The following RAPH1 variants were observed in gnomAD, a reference collection of about 807,000 sequenced individuals.
RAPH1 encodes the protein ras-associated and pleckstrin homology domains-containing protein 1.
In RAPH1, 18 loss-of-function variants were observed where a neutral mutation model predicts 88.1. The ratio of observed to expected loss-of-function variants is 0.20; its 90% CI spans 0.14 to 0.30. The LOEUF (loss-of-function observed/expected upper bound fraction) is 0.30, where lower values mean the gene tolerates loss of function less well. Ranked by LOEUF, RAPH1 falls within the 10% of genes least tolerant of loss-of-function variation. RAPH1 has a pLI of 1.00. For missense variants in RAPH1, 1,448 were observed against 1,543.2 expected (o/e 0.94, Z 1.03); for synonymous variants, 587 against 559.0 (o/e 1.05, Z -0.71).
Position 203,457,516 on chromosome 2 carries a change from G to C in RAPH1, c.1158+14C>G, listed in dbSNP as rs769120883. ...TTAATTTTTAAATGTGCAGGAAAAT[G>C]GGGGTTGTCATACCTCCAAGAGGAC... is the stretch of plus-strand genomic sequence containing the variant. On this transcript the variant is annotated intron_variant, in intron 8 of 13. Transcript: ENST00000319170. 1 of 1,604,670 alleles carries C rather than the reference G, an allele frequency of 6.2e-7. No homozygotes were observed. The highest frequency in any genetic ancestry group is 2.2e-5 in the East Asian group (1 of 44,848).
intron 9 of RAPH1, 101 bp from the exon 10 acceptor site, chr2:203,454,641 T>A (rs1260261866): frequency 1.4e-6 from 1 of 728,122 alleles, no homozygotes; most frequent in Non-Finnish European, 2.3e-6. Flanking sequence ...CTACTTTTGC[T>A]AATACTAAAT....
At chr2:203,445,213 A>C (rs2098508394) in intron 12 of RAPH1, 1 of 473,734 alleles carries the variant, frequency 2.1e-6, no homozygotes, top group Admixed American at 3.7e-5. Flanking sequence ...ATCTCAGATT[A>C]GTGTTAAATA....
intron 1 of RAPH1, among the ~76,000 whole-genome samples, chr2:203,506,788 A>ATC (rs1305929195): frequency 8.1e-6 from 1 of 124,056 alleles, no homozygotes; most frequent in Non-Finnish European, 1.6e-5. Context: ...ATCTAGATAT[A>ATC]TATATCTATA....
chr2:203,506,031 C>G (rs150322640), intron 1 of RAPH1, among the ~76,000 whole-genome samples: 1 of 152,094 alleles, frequency 6.6e-6, no homozygotes, highest in African/African-American at 2.4e-5. Flanking sequence ...GAAAGCCTCA[C>G]GAGGGAGGCA....
rs1266316061 is a variant in RAPH1, at chr2:203,438,172, C to T, written c.*1265G>A. Reference sequence around the variant, plus strand: ...GAACTAATCACAACCAGGCTGCAGTCAGCAAGGGTCCTGGTAGCCCCAGTA... The same window carrying T: ...GAACTAATCACAACCAGGCTGCAGTTAGCAAGGGTCCTGGTAGCCCCAGTA... On this transcript the variant is annotated 3_prime_UTR_variant, in exon 14 of 14. Transcript: ENST00000319170. The T allele has an allele frequency of 1.9e-6, 1 of 518,814 alleles. No individual in the cohort carries two copies. The highest frequency in any genetic ancestry group is 3.8e-6 in the Non-Finnish European group (1 of 259,810). 32.1% of individuals were successfully genotyped at this position (518,814 alleles called of 1,614,324 possible).
At chr2:203,508,576 G>A (rs1481909475) in intron 1 of RAPH1, among the ~76,000 whole-genome samples, 1 of 152,034 alleles carries the variant, frequency 6.6e-6, no homozygotes, top group Non-Finnish European at 1.5e-5. Flanking sequence ...CATATACGTA[G>A]GTTTCACATC....
intron 4 of RAPH1, among the ~76,000 whole-genome samples, chr2:203,482,889 CAAAG>C (rs926517901): frequency 6.6e-6 from 1 of 152,092 alleles, no homozygotes; most frequent in Non-Finnish European, 1.5e-5. Context: ...ATAGCATAAT[CAAAG>C]AACGCCTCAA....
chr2:203,528,233 T>C (rs1581417342), intron 1 of RAPH1, among the ~76,000 whole-genome samples: 1 of 152,046 alleles, frequency 6.6e-6, no homozygotes, highest in African/African-American at 2.4e-5. Flanking sequence ...TTTTAAAACT[T>C]AGTAAGAAAA....
chr2:203,526,479 C>T lies in RAPH1; in HGVS notation c.-1+8632G>A, dbSNP rs189027888. On this transcript the variant is annotated intron_variant, in intron 1 of 13. Transcript: ENST00000319170. ...ATGGCTCAGGCCTGTAATCCCAGCA[C>T]TTTGCGAGGCCAAGGCAGGCAGATC... is the stretch of plus-strand genomic sequence containing the variant. Among the ~76,000 whole-genome samples, 44 of 152,224 alleles carry T rather than the reference C, an allele frequency of 2.9e-4. 1 individual carries two copies. The highest frequency in any genetic ancestry group is 2.2e-3 in the Admixed American group (34 of 15,290).
chr2:203,476,488 T>A (rs1455314652), intron 4 of RAPH1, among the ~76,000 whole-genome samples: 1 of 152,124 alleles, frequency 6.6e-6, no homozygotes, highest in African/African-American at 2.4e-5. Context: ...TTTTTTTACA[T>A]TTTTGTTTCA....
At chr2:203,500,298 A>G (rs562431813) in intron 1 of RAPH1, among the ~76,000 whole-genome samples, 1 of 152,278 alleles carries the variant, frequency 6.6e-6, no homozygotes, top group Admixed American at 6.5e-5. Context: ...GAGAAAGGAG[A>G]AGGGTGTTTT....
chr2:203,515,918 CAAACTGGCA>C (rs1474747359), intron 1 of RAPH1, among the ~76,000 whole-genome samples: 1 of 152,138 alleles, frequency 6.6e-6, no homozygotes, highest in Non-Finnish European at 1.5e-5. Flanking sequence ...TTAAGACACT[CAAACTGGCA>C]TAAAGGAAGA....
intron 2 of RAPH1, among the ~76,000 whole-genome samples, chr2:203,494,855 C>T (rs992225395): frequency 2.1e-4 from 31 of 148,920 alleles, no homozygotes; most frequent in East Asian, 3.9e-4. Flanking sequence ...AAAATATTTA[C>T]GTGGAAGGAA....
chr2:203,442,048 G>GTTT (rs762236104), intron 13 of RAPH1: 52 of 1,590,448 alleles, frequency 3.3e-5, no homozygotes, highest in Non-Finnish European at 4.4e-5. Context: ...CAGCAATGCA[G>GTTT]GTAAAGGGGG....
chr2:203,480,761 G>A (rs1687684554), intron 4 of RAPH1, among the ~76,000 whole-genome samples: 1 of 152,142 alleles, frequency 6.6e-6, no homozygotes, highest in Non-Finnish European at 1.5e-5. Context: ...CATCTTTACT[G>A]ACACACGTAT....
chr2:203,517,722 A>G (rs970934272), intron 1 of RAPH1, among the ~76,000 whole-genome samples: 1 of 152,202 alleles, frequency 6.6e-6, no homozygotes, highest in African/African-American at 2.4e-5. Context: ...ATAATTGAAA[A>G]AAATATCAAA....
At chr2:203,447,748 T>C (rs945680561) in intron 12 of RAPH1, 5 of 393,516 alleles carry the variant, frequency 1.3e-5, no homozygotes, top group Non-Finnish European at 1.8e-5. Context: ...GAAATCTATA[T>C]ACTGATTTTT....
chr2:203,457,631 G>T, intron 7 of RAPH1, 36 bp from the exon 8 acceptor site: 2 of 1,446,176 alleles, frequency 1.4e-6, no homozygotes, highest in Non-Finnish European at 1.9e-6. Context: ...ATGGGTGGGA[G>T]AGAAAAAAAG....
At chr2:203,513,564 G>T (rs13033802) in intron 1 of RAPH1, among the ~76,000 whole-genome samples, 2 of 146,364 alleles carry the variant, frequency 1.4e-5, no homozygotes, top group Non-Finnish European at 3.0e-5. Context: ...GGCCAGGCGC[G>T]GTGGCTCACA....
Sources: allele counts gnomAD v4.1 joint callset (sites outside exome capture counted in the v4.1 genomes callset), GRCh38; gene constraint gnomAD v4.1.1; transcripts MANE v1.5; gene names NCBI Gene and HGNC (gene_info 2026-07-23, HGNC 2026-07-21).